Variants in CCSER1 observed in about 807,000 individuals in gnomAD.
The protein encoded by CCSER1 is coiled-coil serine rich protein 1, also known as serine-rich coiled-coil domain-containing protein 1.
In CCSER1, 41 loss-of-function variants were observed where a neutral mutation model predicts 82.0. The ratio of observed to expected loss-of-function variants is 0.50; its 90% CI spans 0.39 to 0.65. The LOEUF (loss-of-function observed/expected upper bound fraction) is 0.65. Among genes scored for constraint, CCSER1 ranks in the 30% least tolerant of loss-of-function variants. The probability of loss-of-function intolerance (pLI) is 0.00; values close to 1 mark genes in which losing one functional copy is unlikely to be tolerated. For synonymous variants in CCSER1, 414 were observed against 383.9 expected (o/e 1.08, Z -0.92); for missense variants, 1,119 against 1,064.2 (o/e 1.05, Z -0.72).
chr4:91,327,505 G>A (rs1296527067), intron 10 of CCSER1, among the ~76,000 whole-genome samples: 1 of 152,198 alleles, frequency 6.6e-6, no homozygotes, highest in African/African-American at 2.4e-5. Context: ...TCCCTCCTAG[G>A]CCTCCAGGCC....
intron 8 of CCSER1, among the ~76,000 whole-genome samples, chr4:90,877,867 A>G (rs1312023630): frequency 6.6e-6 from 1 of 152,042 alleles, no homozygotes; most frequent in Non-Finnish European, 1.5e-5. Context: ...TTCTTTAGCT[A>G]TTTTAGTCCC....
At chr4:90,865,439 T>A (rs761684730) in intron 8 of CCSER1, among the ~76,000 whole-genome samples, 25 of 152,050 alleles carry the variant, frequency 1.6e-4, no homozygotes, top group Non-Finnish European at 2.6e-4. Flanking sequence ...CCCTACTAAT[T>A]AGAATTTAGA....
intron 10 of CCSER1, among the ~76,000 whole-genome samples, chr4:91,162,884 C>T (rs1731586784): frequency 6.6e-6 from 1 of 152,044 alleles, no homozygotes; most frequent in Non-Finnish European, 1.5e-5. Context: ...AAAACCAGCT[C>T]CTGGATTCAT....
At chr4:91,511,468 C>T (rs1759819699) in intron 10 of CCSER1, among the ~76,000 whole-genome samples, 1 of 152,000 alleles carries the variant, frequency 6.6e-6, no homozygotes, top group African/African-American at 2.4e-5. Context: ...AATATTTTTT[C>T]CCATTTGTTT....
chr4:90,956,027 C>G (rs1733399334), intron 9 of CCSER1, among the ~76,000 whole-genome samples: 1 of 152,044 alleles, frequency 6.6e-6, no homozygotes, highest in Admixed American at 6.6e-5. Context: ...CTGTGTCTCT[C>G]TGGGCCAAGA....
chr4:91,229,919 C>A (rs746033174), intron 10 of CCSER1, among the ~76,000 whole-genome samples: 1 of 151,888 alleles, frequency 6.6e-6, no homozygotes, highest in African/African-American at 2.4e-5. Flanking sequence ...GGTTGACAGG[C>A]GCAGCAAACC....
At chr4:90,938,187 A>G (rs1437210548) in intron 9 of CCSER1, among the ~76,000 whole-genome samples, 1 of 152,124 alleles carries the variant, frequency 6.6e-6, no homozygotes, top group African/African-American at 2.4e-5. Flanking sequence ...ATAATAAGAT[A>G]ATAATTGTTG....
At chr4:91,536,492 G>C (rs1228374020) in intron 10 of CCSER1, among the ~76,000 whole-genome samples, 1 of 152,042 alleles carries the variant, frequency 6.6e-6, no homozygotes, top group Non-Finnish European at 1.5e-5. Context: ...CTAGGAATTT[G>C]AATTATATTG....
intron 3 of CCSER1, among the ~76,000 whole-genome samples, chr4:90,355,690 T>C (rs976209016): frequency 2.6e-5 from 4 of 151,962 alleles, no homozygotes; most frequent in African/African-American, 9.7e-5. Flanking sequence ...GGTCTATTAC[T>C]CTTCTTAATC....
At chr4:91,089,442 T>C (rs1723717773) in intron 10 of CCSER1, among the ~76,000 whole-genome samples, 1 of 152,158 alleles carries the variant, frequency 6.6e-6, no homozygotes, top group African/African-American at 2.4e-5. Flanking sequence ...GTACTGAATA[T>C]AAAACAATAT....
At chr4:90,826,813 A>G (rs1650750950) in intron 8 of CCSER1, among the ~76,000 whole-genome samples, 1 of 152,216 alleles carries the variant, frequency 6.6e-6, no homozygotes, top group Non-Finnish European at 1.5e-5. Context: ...GCTACATATC[A>G]ATACCGAAAT....
chr4:91,100,011 C>A (rs1724897998), intron 10 of CCSER1, among the ~76,000 whole-genome samples: 2 of 152,072 alleles, frequency 1.3e-5, no homozygotes, highest in African/African-American at 4.8e-5. Context: ...CAAGACATGG[C>A]AAAGAAACAT....
chr4:90,901,470 T>C (rs1398229280), intron 8 of CCSER1, among the ~76,000 whole-genome samples: 7 of 152,016 alleles, frequency 4.6e-5, no homozygotes, highest in African/African-American at 1.7e-4. Flanking sequence ...GAACATTTAT[T>C]ATAGGGCCAT....
At position 91,111,554 on chromosome 4, in the gene CCSER1, C is replaced by T. The variant is rs566474934; in HGVS notation, c.2217+25560C>T. ...ATAGAACAAGTATTTTTCATAATTT[C>T]TGCTAACATAGGAGGTGACATAAAA... is the stretch of plus-strand genomic sequence containing the variant. On this transcript the variant is annotated intron_variant, in intron 10 of 10. Coordinates refer to ENST00000509176, the MANE Select transcript of CCSER1 (RefSeq NM_001145065.2). Among the ~76,000 whole-genome samples, 128 of 151,666 alleles carry T rather than the reference C, an allele frequency of 8.4e-4. 2 individuals carry two copies. The highest frequency in any genetic ancestry group is 3.0e-3 in the African/African-American group (122 of 41,306).
At chr4:90,988,426 T>C (rs1420285007) in intron 9 of CCSER1, among the ~76,000 whole-genome samples, 1 of 150,244 alleles carries the variant, frequency 6.7e-6, no homozygotes, top group Admixed American at 6.7e-5. Context: ...TATAACATAA[T>C]GTTGATTTTT....
chr4:90,601,045 A>G (rs758019575), intron 5 of CCSER1, among the ~76,000 whole-genome samples: 19 of 152,154 alleles, frequency 1.2e-4, no homozygotes, highest in Admixed American at 3.9e-4. Flanking sequence ...TCGTTAAATA[A>G]CTTATTAGTT....
chr4:91,585,800 A>G (rs1763961543), intron 10 of CCSER1, among the ~76,000 whole-genome samples: 1 of 151,578 alleles, frequency 6.6e-6, no homozygotes. Context: ...TAAAGAAAAA[A>G]TTGTCCTAGG....
chr4:90,998,377 C>T (rs1157461549), intron 9 of CCSER1, among the ~76,000 whole-genome samples: 1 of 152,098 alleles, frequency 6.6e-6, no homozygotes, highest in African/African-American at 2.4e-5. Context: ...ACTGCGCCCA[C>T]CCTAATTTTT....
intron 7 of CCSER1, among the ~76,000 whole-genome samples, chr4:90,758,965 A>G (rs78851528): frequency 0.018 from 2,664 of 152,196 alleles, 42 homozygotes; most frequent in Non-Finnish European, 0.03. Context: ...CCATTCTGTT[A>G]TGTTCTTTTA....
Sources: allele counts gnomAD v4.1 joint callset (sites outside exome capture counted in the v4.1 genomes callset), GRCh38; gene constraint gnomAD v4.1.1; transcripts MANE v1.5; gene names NCBI Gene and HGNC (gene_info 2026-07-23, HGNC 2026-07-21).